The following DNAJC6 variants were observed in gnomAD, a reference collection of about 807,000 sequenced individuals.
The protein encoded by DNAJC6 is DnaJ heat shock protein family (Hsp40) member C6.
DNAJC6 carries 34 observed loss-of-function variants against 110.0 expected under a neutral mutation model. The ratio of observed to expected loss-of-function variants is 0.31; its 90% CI spans 0.24 to 0.41. DNAJC6 has a LOEUF of 0.41. Among genes scored for constraint, DNAJC6 ranks in the 10% least tolerant of loss-of-function variants. DNAJC6 has a pLI of 1.00. For missense variants in DNAJC6, 1,031 were observed against 1,207.8 expected (o/e 0.85, Z 2.17); for synonymous variants, 406 against 437.2 (o/e 0.93, Z 0.89).
chr1:65,337,472 G>T (rs1256789930), intron 1 of DNAJC6, among the ~76,000 whole-genome samples: 1 of 151,898 alleles, frequency 6.6e-6, no homozygotes, highest in East Asian at 1.9e-4. Context: ...CTCTGAGGGT[G>T]ACTTATGAAG....
At chr1:65,365,824 G>A in intron 2 of DNAJC6, 61 bp from the exon 3 acceptor site, 2 of 1,573,748 alleles carry the variant, frequency 1.3e-6, no homozygotes, top group South Asian at 2.3e-5. Context: ...GTGATTGAGA[G>A]AGAGAAATCT....
Position 65,384,203 on chromosome 1 carries a change from C to T in DNAJC6, c.677C>T (p.Ala226Val), listed in dbSNP as rs776225529. ...CATTTTCTTTGACAGGATGGACGGGCGGCATCATCAATTCTGGTTGGTGCT... is the reference window on the plus strand; with the variant it reads ...CATTTTCTTTGACAGGATGGACGGGTGGCATCATCAATTCTGGTTGGTGCT... ...VCVVHCLDGR[A>V]ASSILVGAMF... The change falls in exon 6 of 19, where the codon GCG becomes GTG. Residue 226 changes from alanine (A) to valine (V), a missense_variant. Ala to Val is a moderately conservative substitution (Grantham distance 64). Coordinates refer to ENST00000371069, the MANE Select transcript of DNAJC6 (RefSeq NM_001256864.2). 57 of 1,516,852 alleles carry T rather than the reference C, an allele frequency of 3.8e-5. No homozygotes were observed. Among genetic ancestry groups the T allele is most frequent in the African/African-American group, 4.3e-5 (3 of 70,272 alleles). The allele number at this position is 1,516,852 out of a possible 1,614,324, so 94.0% of individuals were successfully genotyped here.
chr1:65,290,187 C>A (rs1049756341), intron 1 of DNAJC6, among the ~76,000 whole-genome samples: 1 of 152,190 alleles, frequency 6.6e-6, no homozygotes, highest in Non-Finnish European at 1.5e-5. Flanking sequence ...AAGGTGCCAG[C>A]AGATTGCCAA....
At chr1:65,364,821 C>T (rs370614969) in intron 2 of DNAJC6, 36 bp downstream of exon 2, 45 of 1,607,622 alleles carry the variant, frequency 2.8e-5, no homozygotes, top group Non-Finnish European at 3.5e-5. Flanking sequence ...TAGTGGATCC[C>T]CATGCTCTCA....
intron 1 of DNAJC6, among the ~76,000 whole-genome samples, chr1:65,316,968 A>AT (rs1486946163): frequency 3.9e-5 from 6 of 151,962 alleles, no homozygotes; most frequent in Admixed American, 6.6e-5. Flanking sequence ...AATGTATACA[A>AT]TTTTTTTAAT....
intron 4 of DNAJC6, among the ~76,000 whole-genome samples, chr1:65,372,471 T>C (rs1233324269): frequency 6.6e-6 from 1 of 152,180 alleles, no homozygotes; most frequent in Admixed American, 6.5e-5. Context: ...GAGTAAGTTA[T>C]GGTCTCTCTT....
At position 65,280,586 on chromosome 1, in the gene DNAJC6, C is replaced by G. The variant is rs902731598; in HGVS notation, c.-131+15654C>G. On this transcript the variant is annotated intron_variant, in intron 1 of 19. Coordinates refer to the DNAJC6 transcript ENST00000263441. ...GACTCCTCCCTCCATTCCTTCTTCT[C>G]TCTCTCTTTCAGCCTTTCTTGCTTA... is the stretch of plus-strand genomic sequence containing the variant. 3.9e-5 allele frequency among the ~76,000 whole-genome samples: 6 copies of G among 152,282 alleles called. No homozygotes were observed. The East Asian group carries it at 7.7e-4, about 20-fold the overall frequency.
intron 1 of DNAJC6, among the ~76,000 whole-genome samples, chr1:65,265,757 T>G (rs927163582): frequency 6.6e-6 from 1 of 152,084 alleles, no homozygotes; most frequent in Non-Finnish European, 1.5e-5. Context: ...CCCGATCCCG[T>G]TTCCAGGGGG....
intron 1 of DNAJC6, among the ~76,000 whole-genome samples, chr1:65,267,434 T>C (rs1250178060): frequency 6.6e-6 from 1 of 152,216 alleles, no homozygotes; most frequent in Non-Finnish European, 1.5e-5. Flanking sequence ...TTTAGATCGA[T>C]GAAATAGAAC....
At chr1:65,402,090 C>A (rs1475596781) in intron 15 of DNAJC6, among the ~76,000 whole-genome samples, 7 of 152,286 alleles carry the variant, frequency 4.6e-5, no homozygotes, top group Admixed American at 2.0e-4. Context: ...TTTATTGATT[C>A]ATTTCTCCAG....
chr1:65,319,880 C>T (rs1366811706), intron 1 of DNAJC6, among the ~76,000 whole-genome samples: 3 of 152,144 alleles, frequency 2.0e-5, no homozygotes, highest in Non-Finnish European at 4.4e-5. Context: ...ATCCCTCTCT[C>T]TTCTCCTTTG....
chr1:65,323,442 C>T (rs1247653978), intron 1 of DNAJC6, among the ~76,000 whole-genome samples: 1 of 152,114 alleles, frequency 6.6e-6, no homozygotes, highest in Non-Finnish European at 1.5e-5. Context: ...TGCCTTCTGC[C>T]ATGATTGTAA....
At position 65,405,951 on chromosome 1, in the gene DNAJC6, C is replaced by T. The variant is rs762235583; in HGVS notation, c.2309C>T (p.Ala770Val). The T allele has an allele frequency of 2.6e-5, 42 of 1,614,058 alleles. No individual in the cohort carries two copies. Among genetic ancestry groups the T allele is most frequent in the South Asian group, 5.5e-5 (5 of 91,078 alleles). Residue 770 changes from alanine to valine, a missense_variant, in exon 16 of 19, where the codon GCG (alanine) becomes GTG (valine). Transcript: ENST00000371069. ...CCGCCTCTCAGCTCGCCACAGAAGG[C>T]GTCTCCCCAGCCTATGGGTGGCGGG... The part of the protein sequence containing the change: ...GFPPLSSPQK[A>V]SPQPMGGGWQ...
Position 65,365,354 on chromosome 1 carries a change from A to G in DNAJC6, c.345-531A>G, listed in dbSNP as rs1645636087. 6.6e-5 allele frequency among the ~76,000 whole-genome samples: 10 copies of G among 152,308 alleles called. No individual in the cohort carries two copies. The South Asian group carries it at 2.1e-3, about 32-fold the overall frequency. On this transcript the variant is annotated intron_variant, in intron 2 of 18. Coordinates refer to ENST00000371069, the MANE Select transcript of DNAJC6 (RefSeq NM_001256864.2). ...TTATTGTTTAGTATTAGAAAATTCT[A>G]GGGTCACTTTGAGTTACAATATGCA...
At chr1:65,376,392 T>G (rs1645767005) in intron 4 of DNAJC6, among the ~76,000 whole-genome samples, 1 of 152,028 alleles carries the variant, frequency 6.6e-6, no homozygotes, top group Non-Finnish European at 1.5e-5. Flanking sequence ...TCTTAATTTT[T>G]GCTCTGGTCT....
intron 1 of DNAJC6, among the ~76,000 whole-genome samples, chr1:65,267,799 A>G (rs1264181907): frequency 6.6e-6 from 1 of 152,044 alleles, no homozygotes; most frequent in South Asian, 2.1e-4. Flanking sequence ...TTCCAAGCCT[A>G]GTTCTTTGAG....
At chr1:65,273,708 T>C (rs2101163985) in intron 1 of DNAJC6, among the ~76,000 whole-genome samples, 1 of 152,316 alleles carries the variant, frequency 6.6e-6, no homozygotes, top group South Asian at 2.1e-4. Context: ...TATTTTATAC[T>C]TTTCTTTTTG....
chr1:65,389,165 C>T, intron 9 of DNAJC6, 91 bp from the exon 10 acceptor site: 1 of 1,196,306 alleles, frequency 8.4e-7, no homozygotes, highest in Non-Finnish European at 1.2e-6. Flanking sequence ...TAGATTTAAC[C>T]TAAGAGTCAA....
At position 65,406,093 on chromosome 1, in the gene DNAJC6, T is replaced by G. The variant is rs61733018; in HGVS notation, c.2451T>G (p.Pro817=). ...PNYNVSFSAM[P]GGQNERGKGS... Reference sequence around the variant, plus strand: ...ACAACGTGAGCTTCTCAGCCATGCCTGGGGGCCAGAACGAACGTGGGAAAG... The same window carrying G: ...ACAACGTGAGCTTCTCAGCCATGCCGGGGGGCCAGAACGAACGTGGGAAAG... The change falls in exon 16 of 19, where the codon CCT becomes CCG. Residue 817 remains proline, a synonymous_variant. Transcript: ENST00000371069. 287 of 1,614,190 alleles carry G rather than the reference T, an allele frequency of 1.8e-4. 1 individual carries two copies. The African/African-American group carries it at 3.6e-3, about 20-fold the overall frequency.
Sources: allele counts gnomAD v4.1 joint callset (sites outside exome capture counted in the v4.1 genomes callset), GRCh38; gene constraint gnomAD v4.1.1; transcripts MANE v1.5; gene names NCBI Gene and HGNC (gene_info 2026-07-23, HGNC 2026-07-21).